Variants in SAMD12 observed in about 807,000 individuals in gnomAD.
SAMD12 encodes the protein sterile alpha motif domain-containing protein 12.
Under a neutral mutation model 15.0 loss-of-function variants are expected in SAMD12, and 9 were observed. That is an observed-to-expected ratio of 0.60 (90% confidence interval 0.36 to 1.05). The LOEUF (loss-of-function observed/expected upper bound fraction) is 1.05, where lower values mean the gene tolerates loss of function less well. Among genes scored for constraint, SAMD12 ranks in the 50% least tolerant of loss-of-function variants. The pLI is 0.01. For synonymous variants in SAMD12, 86 were observed against 90.1 expected (o/e 0.96, Z 0.25); for missense variants, 230 against 234.2 (o/e 0.98, Z 0.12).
the SAMD12 span, among the ~76,000 whole-genome samples, chr8:118,165,603 C>CAT: frequency 5.2e-5 from 4 of 76,236 alleles, no homozygotes; most frequent in African/African-American, 7.3e-5. Flanking sequence ...TACATATATA[C>CAT]ATATATATAT....
chr8:118,362,850 C>A (rs1818573582), intron 4 of SAMD12, among the ~76,000 whole-genome samples: 1 of 152,164 alleles, frequency 6.6e-6, no homozygotes, highest in Admixed American at 6.5e-5. Flanking sequence ...ATTGGCAGCA[C>A]TAAGAAATGC....
At chr8:118,255,715 T>C (rs1812922267) in intron 4 of SAMD12, among the ~76,000 whole-genome samples, 1 of 151,796 alleles carries the variant, frequency 6.6e-6, no homozygotes, top group South Asian at 2.1e-4. Context: ...TAGTATTCCA[T>C]GGTGTATATG....
intron 3 of SAMD12, among the ~76,000 whole-genome samples, chr8:118,403,953 T>G (rs76891941): frequency 2.0e-5 from 3 of 152,164 alleles, no homozygotes; most frequent in Non-Finnish European, 4.4e-5. Context: ...AGTCTCAGTG[T>G]CATGTGTTTT....
intron 3 of SAMD12, among the ~76,000 whole-genome samples, chr8:118,409,843 T>A (rs1020254822): frequency 6.6e-6 from 1 of 152,074 alleles, no homozygotes; most frequent in Non-Finnish European, 1.5e-5. Flanking sequence ...AAACATTTAA[T>A]TAGCTGCACT....
intron 2 of SAMD12, among the ~76,000 whole-genome samples, chr8:118,455,238 T>C (rs1302279582): frequency 2.7e-5 from 4 of 145,658 alleles, no homozygotes; most frequent in Non-Finnish European, 4.4e-5. Flanking sequence ...CACTTTCTTC[T>C]TGAGACACTT....
chr8:118,560,578 A>T (rs2131209325), intron 2 of SAMD12, among the ~76,000 whole-genome samples: 1 of 152,306 alleles, frequency 6.6e-6, no homozygotes, highest in Non-Finnish European at 1.5e-5. Flanking sequence ...AAAGCTAAAA[A>T]CCTAGTTCTC....
intron 2 of SAMD12, among the ~76,000 whole-genome samples, chr8:118,511,764 C>T (rs561743330): frequency 1.3e-5 from 2 of 152,200 alleles, no homozygotes; most frequent in Non-Finnish European, 2.9e-5. Flanking sequence ...GAAAATTCAA[C>T]AGACACAATG....
chr8:118,185,892 G>A (rs934798952), downstream of SAMD12, among the ~76,000 whole-genome samples: 1 of 152,122 alleles, frequency 6.6e-6, no homozygotes, highest in African/African-American at 2.4e-5. Context: ...CTCCCTCTCA[G>A]GGGGTCCATC....
intron 4 of SAMD12, among the ~76,000 whole-genome samples, chr8:118,325,642 T>C (rs1246155608): frequency 6.6e-6 from 1 of 152,188 alleles, no homozygotes; most frequent in Non-Finnish European, 1.5e-5. Context: ...TTATTAACTA[T>C]AGTTATGATG....
intron 4 of SAMD12, among the ~76,000 whole-genome samples, chr8:118,286,084 G>A (rs1046271833): frequency 1.3e-5 from 2 of 150,034 alleles, no homozygotes; most frequent in Non-Finnish European, 3.0e-5. Flanking sequence ...GCCAAACACT[G>A]CATGTTCTCA....
chr8:118,512,013 T>C (rs772652741), intron 2 of SAMD12, among the ~76,000 whole-genome samples: 2 of 151,904 alleles, frequency 1.3e-5, no homozygotes, highest in Non-Finnish European at 2.9e-5. Flanking sequence ...TAGACTTTTC[T>C]AAGAAAGGAA....
In SAMD12 at chr8:118,292,349, GACACACACAC is replaced by G. The variant is rs3052706; in HGVS notation, c.433+87201_433+87210del. Among the ~76,000 whole-genome samples, 986 of 137,720 alleles carry G rather than the reference GACACACACAC, an allele frequency of 7.2e-3. 16 individuals carry two copies. Among genetic ancestry groups the G allele is most frequent in the African/African-American group, 0.026 (936 of 36,278 alleles). 90.3% of individuals were successfully genotyped at this position (137,720 alleles called of 152,430 possible). On this transcript the variant is annotated intron_variant, in intron 4 of 4. Coordinates refer to the SAMD12 transcript ENST00000409003. ...TAATGTCCAAAACTGCAAACACACAGACACACACACACACACACACACACACATATTCCGG... is the reference window on the plus strand; with the variant it reads ...TAATGTCCAAAACTGCAAACACACAGACACACACACACACACATATTCCGG...
intron 2 of SAMD12, among the ~76,000 whole-genome samples, chr8:118,567,071 T>C (rs1563588181): frequency 1.3e-5 from 2 of 152,192 alleles, no homozygotes; most frequent in Non-Finnish European, 2.9e-5. Flanking sequence ...GCCTACTGTA[T>C]GTCAAATGCT....
At chr8:118,374,210 A>G (rs1220611228), downstream of SAMD12, among the ~76,000 whole-genome samples, 2 of 152,088 alleles carry the variant, frequency 1.3e-5, no homozygotes, top group African/African-American at 2.4e-5. Context: ...ACTATTTTAG[A>G]TACTCCATAT....
At chr8:118,275,606 A>G (rs1360042191) in intron 4 of SAMD12, among the ~76,000 whole-genome samples, 3 of 152,238 alleles carry the variant, frequency 2.0e-5, no homozygotes, top group African/African-American at 7.2e-5. Flanking sequence ...GGTTTGTTAC[A>G]TAGGTGTATT....
chr8:118,517,335 G>T (rs954729632), intron 2 of SAMD12, among the ~76,000 whole-genome samples: 1 of 152,230 alleles, frequency 6.6e-6, no homozygotes, highest in South Asian at 2.1e-4. Context: ...CTGCTTAACC[G>T]GGAAAATTAT....
At chr8:118,220,170 G>A (rs1812053349) in intron 4 of SAMD12, among the ~76,000 whole-genome samples, 1 of 152,202 alleles carries the variant, frequency 6.6e-6, no homozygotes. Context: ...GAGAGAATCA[G>A]TATCTCTCGG....
intron 4 of SAMD12, among the ~76,000 whole-genome samples, chr8:118,224,516 G>A (rs538880757): frequency 2.6e-5 from 4 of 152,238 alleles, no homozygotes; most frequent in East Asian, 1.9e-4. Context: ...GGCCAATTAC[G>A]TGAATAAGGG....
intron 4 of SAMD12, among the ~76,000 whole-genome samples, chr8:118,316,816 G>GTTT (rs35418863): frequency 2.1e-4 from 25 of 117,920 alleles, no homozygotes; most frequent in Non-Finnish European, 2.9e-4. Flanking sequence ...TTAAAAAAAA[G>GTTT]TTTTTTTTTT....
Sources: allele counts gnomAD v4.1 joint callset (sites outside exome capture counted in the v4.1 genomes callset), GRCh38; gene constraint gnomAD v4.1.1; transcripts MANE v1.5; gene names NCBI Gene and HGNC (gene_info 2026-07-23, HGNC 2026-07-21).